The following CACNA1I variants were observed in gnomAD, a reference collection of about 807,000 sequenced individuals.
The protein encoded by CACNA1I is voltage-dependent T-type calcium channel subunit alpha-1I.
CACNA1I carries 74 observed loss-of-function variants against 201.6 expected under a neutral mutation model. The ratio of observed to expected loss-of-function variants is 0.37; its 90% CI spans 0.30 to 0.45. The LOEUF is 0.45. Ranked by LOEUF, CACNA1I falls within the 20% of genes least tolerant of loss-of-function variation. The pLI is 1.00. For synonymous variants in CACNA1I, 1,431 were observed against 1,345.2 expected (o/e 1.06, Z -1.40); for missense variants, 2,346 against 3,138.1 (o/e 0.75, Z 6.03).
intron 3 of CACNA1I, 150 bp downstream of exon 3, chr22:39,600,803 A>C: frequency 9.6e-7 from 1 of 1,037,706 alleles, no homozygotes. Flanking sequence ...AATGATGGAC[A>C]GACAGACATT....
chr22:39,578,944 A>T (rs529171810), intron 1 of CACNA1I, among the ~76,000 whole-genome samples: 1 of 152,178 alleles, frequency 6.6e-6, no homozygotes, highest in South Asian at 2.1e-4. Flanking sequence ...CGTGGTTCTC[A>T]ACCCCACCAG....
At position 39,677,468 on chromosome 22, in the gene CACNA1I, A is replaced by G. The variant is rs1601526638; in HGVS notation, c.4933+49A>G. ...CGTGGTGGGGGTGCAGCAGGGCTGC[A>G]GGAGGAACTGGGGGGGCGGGGGAGG... is the stretch of plus-strand genomic sequence containing the variant. On this transcript the variant is annotated intron_variant, in intron 30 of 36. Coordinates refer to ENST00000402142, the MANE Select transcript of CACNA1I (RefSeq NM_021096.4). The surrounding 1 kb of genome is among the most constrained non-coding windows in gnomAD (Gnocchi z 4.8). The G allele has an allele frequency of 2.8e-6, 3 of 1,077,478 alleles. No homozygotes were observed. The highest frequency in any genetic ancestry group is 3.2e-5 in the African/African-American group (2 of 63,162). The allele number at this position is 1,077,478 out of a possible 1,614,324, so 66.7% of individuals were successfully genotyped here.
At chr22:39,619,464 A>G in intron 4 of CACNA1I, 57 bp downstream of exon 4, 1 of 1,348,536 alleles carries the variant, frequency 7.4e-7, no homozygotes, top group Non-Finnish European at 1.1e-6. Flanking sequence ...TGGCCAACCC[A>G]TCCCTGGCCT....
chr22:39,662,950 G>T (rs1374604140), intron 18 of CACNA1I, 74 bp downstream of exon 18: 5 of 1,048,346 alleles, frequency 4.8e-6, no homozygotes, highest in African/African-American at 3.2e-5. Flanking sequence ...GCCAAGCCAG[G>T]CAAGGCCATT....
intron 1 of CACNA1I, among the ~76,000 whole-genome samples, chr22:39,593,748 C>T (rs546902411): frequency 1.5e-4 from 23 of 152,286 alleles, no homozygotes; most frequent in African/African-American, 5.5e-4. Flanking sequence ...CAGGAAAAGC[C>T]TCCAGCCTGA....
intron 1 of CACNA1I, among the ~76,000 whole-genome samples, chr22:39,583,622 C>T (rs1932654063): frequency 1.3e-5 from 2 of 152,216 alleles, no homozygotes; most frequent in Admixed American, 1.3e-4. Context: ...ACCCTATTTA[C>T]ACAACCATCA....
At chr22:39,668,252 C>T (rs904145537) in intron 23 of CACNA1I, 40 bp from the exon 24 acceptor site, 2 of 1,285,884 alleles carry the variant, frequency 1.6e-6, no homozygotes, top group Admixed American at 1.7e-5. Flanking sequence ...GAGTCACTCA[C>T]AGTCCTCACC....
chr22:39,644,797 C>A (rs1934438492), intron 7 of CACNA1I, among the ~76,000 whole-genome samples: 2 of 152,094 alleles, frequency 1.3e-5, no homozygotes, highest in African/African-American at 4.8e-5. Flanking sequence ...AAGCGATCAT[C>A]CCCCCTCAGC....
intron 3 of CACNA1I, among the ~76,000 whole-genome samples, chr22:39,610,904 A>C (rs916264874): frequency 6.6e-6 from 1 of 152,024 alleles, no homozygotes; most frequent in African/African-American, 2.4e-5. Context: ...TTTGGCCTGG[A>C]TTGGCTGGTG....
At chr22:39,599,978 G>T (rs1444034391) in intron 2 of CACNA1I, among the ~76,000 whole-genome samples, 1 of 152,222 alleles carries the variant, frequency 6.6e-6, no homozygotes, top group East Asian at 1.9e-4. Flanking sequence ...GTGCCTGGGG[G>T]CTACTTTGAG....
Position 39,689,324 on chromosome 22 carries a change from C to G in CACNA1I, c.*2919C>G, listed in dbSNP as rs970426949. The G allele has an allele frequency of 6.5e-6, 1 of 152,846 alleles. No homozygotes were observed. Among genetic ancestry groups the G allele is most frequent in the Non-Finnish European group, 1.5e-5 (1 of 68,156 alleles). The allele number at this position is 152,846 out of a possible 1,614,324, so 9.5% of individuals were successfully genotyped here. ...AAAGGAGGACAAAGTGTGTAAAGCC[C>G]GTCTGCTGTCTTCCCCCAAATCCTC... On this transcript the variant is annotated 3_prime_UTR_variant, in exon 37 of 37. Transcript: ENST00000402142.
At chr22:39,606,691 C>T (rs1455494317) in intron 3 of CACNA1I, among the ~76,000 whole-genome samples, 1 of 152,140 alleles carries the variant, frequency 6.6e-6, no homozygotes. Flanking sequence ...CGCCGCCATG[C>T]CGGCTAAGTT....
intron 23 of CACNA1I, among the ~76,000 whole-genome samples, chr22:39,667,029 C>T (rs747963439): frequency 1.1e-4 from 16 of 152,342 alleles, no homozygotes; most frequent in South Asian, 4.1e-4. Context: ...TGGAACCCTG[C>T]GTGGGGTGTT....
chr22:39,589,456 G>A (rs1378873614), intron 1 of CACNA1I, among the ~76,000 whole-genome samples: 2 of 152,250 alleles, frequency 1.3e-5, no homozygotes, highest in Non-Finnish European at 2.9e-5. Flanking sequence ...GTGTGAATGA[G>A]TGTCCTCCCA....
chr22:39,673,093 A>G lies in CACNA1I; in HGVS notation c.4783+11A>G, dbSNP rs771683096. On this transcript the variant is annotated intron_variant, in intron 28 of 36. Coordinates refer to ENST00000402142, the MANE Select transcript of CACNA1I (RefSeq NM_021096.4). ...TGCGCATTGCCCGAGGTGAGGGGCAAGGGGTGGGACAGGGAACGGGGACAA... is the reference window on the plus strand; with the variant it reads ...TGCGCATTGCCCGAGGTGAGGGGCAGGGGGTGGGACAGGGAACGGGGACAA... The G allele has an allele frequency of 1.1e-5, 15 of 1,392,932 alleles. No homozygotes were observed. Among genetic ancestry groups the G allele is most frequent in the Admixed American group, 1.9e-5 (1 of 51,816 alleles). The allele number at this position is 1,392,932 out of a possible 1,614,324, so 86.3% of individuals were successfully genotyped here.
rs1035703911 is a variant in CACNA1I at position 39,686,891 on chromosome 22, G to A, written c.*486G>A. 1 of 151,542 alleles carries A rather than the reference G, an allele frequency of 6.6e-6. No homozygotes were observed. Among genetic ancestry groups the A allele is most frequent in the African/African-American group, 2.4e-5 (1 of 41,248 alleles). 9.4% of individuals were successfully genotyped at this position (151,542 alleles called of 1,614,324 possible). On this transcript the variant is annotated 3_prime_UTR_variant, in exon 37 of 37. Transcript: ENST00000402142. ...AAGAGTAGCTTGGAGAGGACCCTCA[G>A]GCCTCTGAGGGCACCAGGCCCTGGA... is the stretch of plus-strand genomic sequence containing the variant.
chr22:39,656,112 C>G lies in CACNA1I; in HGVS notation c.1993-2040C>G, dbSNP rs12166249. On this transcript the variant is annotated intron_variant, in intron 10 of 36. Coordinates refer to ENST00000402142, the MANE Select transcript of CACNA1I (RefSeq NM_021096.4). ...CCTCTTTTGGGACGACTTCTTGAGT[C>G]AGATGTAATTACAGATGGAAATGGG... 6.8e-3 allele frequency among the ~76,000 whole-genome samples: 1,029 copies of G among 152,306 alleles called. 13 individuals carry two copies. The highest frequency in any genetic ancestry group is 0.024 in the African/African-American group (979 of 41,568).
In CACNA1I at chr22:39,570,765, G is replaced by A. The variant is rs763598672; in HGVS notation, c.13G>A (p.Ala5Thr). 7.5e-6 allele frequency: 12 copies of A among 1,603,470 alleles called. No homozygotes were observed. Among genetic ancestry groups the A allele is most frequent in the Admixed American group, 1.7e-5 (1 of 58,172 alleles). ...GCTCAGTGTGGACATGGCTGAGAGC[G>A]CCTCCCCGCCCTCCTCATCTGCAGC... MAES[A>T]SPPSSSAAAP... is the part of the protein sequence containing the mutation. Residue 5 changes from alanine (A) to threonine (T), a missense_variant, in exon 1 of 37, where the codon GCC (alanine) becomes ACC (threonine). This residue lies in a region of CACNA1I where 130 missense variants were observed against 160.7 expected (regional missense o/e 0.81). Transcript: ENST00000402142.
In CACNA1I at chr22:39,649,670, C is replaced by T. The variant is rs1388087367; in HGVS notation, c.1737C>T (p.Ser579=). Residue 579 remains serine, a synonymous_variant, in exon 10 of 37, where the codon TCC becomes TCT. Transcript: ENST00000402142. This position sits in a 1 kb window ranked among gnomAD's most constrained non-coding sequence, Gnocchi z 7.3. ...ACTCGGGCCAGGAGGGCTCGGGCTCCGGGAGCTCCGCTGGTGGCGAGGACG... is the reference window on the plus strand; with the variant it reads ...ACTCGGGCCAGGAGGGCTCGGGCTCTGGGAGCTCCGCTGGTGGCGAGGACG... ...STDSGQEGSG[S]GSSAGGEDEA... 2.9e-5 allele frequency: 44 copies of T among 1,513,950 alleles called. No homozygotes were observed. Among genetic ancestry groups the T allele is most frequent in the Admixed American group, 6.2e-5 (3 of 48,676 alleles). The allele number at this position is 1,513,950 out of a possible 1,614,324, so 93.8% of individuals were successfully genotyped here. A position where few individuals can be genotyped will look rare whatever the true frequency, so the allele number is the denominator to read the frequency against.
Sources: gnomAD v4.1 joint callset for allele counts (sites outside exome capture counted in the v4.1 genomes callset) on GRCh38, gnomAD v4.1.1 for gene constraint, gnomAD v4.1.1 regional missense constraint, Gnocchi (gnomAD v3.1) non-coding constraint, MANE v1.5 for transcripts, NCBI Gene and HGNC (gene_info 2026-07-23, HGNC 2026-07-21) for gene names.